Variants in FBXO34 observed in about 807,000 individuals in gnomAD.
FBXO34 encodes F-box protein 34.
Under a neutral mutation model 24.5 loss-of-function variants are expected in FBXO34, and 12 were observed. The ratio of observed to expected loss-of-function variants is 0.49; its 90% CI spans 0.31 to 0.79. FBXO34 has a LOEUF of 0.79. Among genes scored for constraint, FBXO34 ranks in the 30% least tolerant of loss-of-function variants. FBXO34 has a pLI of 0.04. For synonymous variants in FBXO34, 320 were observed against 311.9 expected (o/e 1.03, Z -0.27); for missense variants, 823 against 857.7 (o/e 0.96, Z 0.51).
chr14:55,275,171 T>C (rs898338481), intron 1 of FBXO34, among the ~76,000 whole-genome samples: 18 of 152,228 alleles, frequency 1.2e-4, no homozygotes, highest in African/African-American at 4.3e-4. Context: ...AAAGAACTTA[T>C]CAACCTTTCA....
the FBXO34 span, among the ~76,000 whole-genome samples, chr14:55,418,348 C>A: frequency 7.9e-5 from 12 of 152,162 alleles, no homozygotes; most frequent in Non-Finnish European, 1.6e-4. Flanking sequence ...TTAGTCAGCT[C>A]CAAATATCAA....
chr14:55,437,401 C>A, the FBXO34 span, among the ~76,000 whole-genome samples: 1 of 152,220 alleles, frequency 6.6e-6, no homozygotes, highest in Non-Finnish European at 1.5e-5. Flanking sequence ...TCTCTTGAAC[C>A]TGGGAGGCAG....
the FBXO34 span, chr14:55,382,009 G>T: frequency 1.9e-6 from 3 of 1,614,180 alleles, no homozygotes; most frequent in Non-Finnish European, 8.5e-7. Context: ...GTAGTAGGCA[G>T]AGTAGTCCCC....
At chr14:55,324,949 A>G (rs1457636318) in intron 1 of FBXO34, among the ~76,000 whole-genome samples, 1 of 152,152 alleles carries the variant, frequency 6.6e-6, no homozygotes, top group African/African-American at 2.4e-5. Context: ...TGGCACTTAG[A>G]TGATCATCTC....
intron 1 of FBXO34, among the ~76,000 whole-genome samples, chr14:55,290,535 A>C (rs1189142365): frequency 6.6e-6 from 1 of 152,142 alleles, no homozygotes; most frequent in East Asian, 1.9e-4. Context: ...TTTCTATACT[A>C]ATACTGCTCT....
intron 1 of FBXO34, among the ~76,000 whole-genome samples, chr14:55,283,514 G>A (rs1344294929): frequency 6.7e-6 from 1 of 149,810 alleles, no homozygotes; most frequent in Non-Finnish European, 1.5e-5. Context: ...GCCCAGGCTG[G>A]AGTGCAGTGG....
At chr14:55,348,465 T>C (rs1884232336) in intron 1 of FBXO34, among the ~76,000 whole-genome samples, 1 of 152,154 alleles carries the variant, frequency 6.6e-6, no homozygotes, top group Admixed American at 6.5e-5. Context: ...GAAGCATACA[T>C]CTTGGACAGC....
chr14:55,391,085 C>A, the FBXO34 span: 1 of 807,100 alleles, frequency 1.2e-6, no homozygotes, highest in South Asian at 1.7e-5. Flanking sequence ...TCAGATATGT[C>A]AGAAAACATA....
At chr14:55,371,765 G>C (rs768009286), downstream of FBXO34, among the ~76,000 whole-genome samples, 2 of 151,728 alleles carry the variant, frequency 1.3e-5, no homozygotes, top group South Asian at 2.1e-4. Flanking sequence ...GATGGCGCCA[G>C]TGCACTCTAG....
rs556499687 is a variant in FBXO34 at position 55,296,503 on chromosome 14, T to C, written c.-11+24966T>C. The stretch of plus-strand genomic sequence containing the variant: ...CTCTGCCTTCAGGTTCAAGCAATTA[T>C]CCTGCATCAGCCTCCCGAGTAGCTG... On this transcript the variant is annotated intron_variant, in intron 1 of 1. Coordinates refer to ENST00000313833, the MANE Select transcript of FBXO34 (RefSeq NM_017943.4). Among the ~76,000 whole-genome samples, 25 of 147,908 alleles carry C rather than the reference T, an allele frequency of 1.7e-4. 1 individual carries two copies. The South Asian group carries it at 1.8e-3, about 11-fold the overall frequency.
the FBXO34 span, among the ~76,000 whole-genome samples, chr14:55,406,993 GCT>G: frequency 1.3e-5 from 2 of 148,818 alleles, no homozygotes; most frequent in African/African-American, 5.0e-5. Flanking sequence ...ATGGAGTCTA[GCT>G]CTGTTGCCCA....
intron 1 of FBXO34, among the ~76,000 whole-genome samples, chr14:55,297,622 A>T (rs1882185953): frequency 6.6e-6 from 1 of 152,198 alleles, no homozygotes; most frequent in East Asian, 1.9e-4. Flanking sequence ...GGATTAGGTA[A>T]TTTTAGATTA....
At chr14:55,437,283 G>A in the FBXO34 span, among the ~76,000 whole-genome samples, 1 of 152,232 alleles carries the variant, frequency 6.6e-6, no homozygotes, top group Non-Finnish European at 1.5e-5. Flanking sequence ...TTTGAGACTA[G>A]CCTGGCCAAT....
At chr14:55,407,005 A>T in the FBXO34 span, among the ~76,000 whole-genome samples, 2 of 148,830 alleles carry the variant, frequency 1.3e-5, no homozygotes, top group Non-Finnish European at 3.0e-5. Context: ...TCTGTTGCCC[A>T]GGCTGAAGTA....
chr14:55,411,454 G>C, the FBXO34 span: 1 of 797,582 alleles, frequency 1.3e-6, no homozygotes, highest in South Asian at 1.8e-5. Flanking sequence ...GCAAAGCTCC[G>C]GTGCAGAGCA....
intron 1 of FBXO34, chr14:55,298,822 A>C: frequency 1.2e-6 from 2 of 1,611,902 alleles, no homozygotes; most frequent in Non-Finnish European, 1.7e-6. Flanking sequence ...CTGAAGCGTA[A>C]GAAGAGGTAT....
At chr14:55,394,811 A>G in the FBXO34 span, 1 of 292,908 alleles carries the variant, frequency 3.4e-6, no homozygotes, top group Non-Finnish European at 6.6e-6. Flanking sequence ...GCCTGGTATT[A>G]TAGGATATAA....
the FBXO34 span, among the ~76,000 whole-genome samples, chr14:55,394,234 T>C: frequency 6.6e-6 from 1 of 151,618 alleles, no homozygotes; most frequent in African/African-American, 2.4e-5. Context: ...CTCGAACTCC[T>C]GACCTTGTGA....
At chr14:55,364,252 T>G (rs1884632530), downstream of FBXO34, among the ~76,000 whole-genome samples, 1 of 151,718 alleles carries the variant, frequency 6.6e-6, no homozygotes, top group South Asian at 2.1e-4. Flanking sequence ...CCCAGCTAAT[T>G]TTCTCTTTTT....
Sources: gnomAD v4.1 joint callset for allele counts (sites outside exome capture counted in the v4.1 genomes callset) on GRCh38, gnomAD v4.1.1 for gene constraint, MANE v1.5 for transcripts, NCBI Gene and HGNC (gene_info 2026-07-23, HGNC 2026-07-21) for gene names.